Variants in NBPF19 observed in about 807,000 individuals in gnomAD.
NBPF19 encodes NBPF member 19, also known as NBPF family member NBPF19.
In NBPF19, 30 loss-of-function variants were observed where a neutral mutation model predicts 45.9. That is an observed-to-expected ratio of 0.65 (90% CI 0.49 to 0.89). The LOEUF is 0.89. Ranked by LOEUF, NBPF19 falls within the 40% of genes least tolerant of loss-of-function variation. The probability of loss-of-function intolerance (pLI) is 0.00; values close to 1 mark genes in which losing one functional copy is unlikely to be tolerated. For synonymous variants in NBPF19, 183 were observed against 181.2 expected, an observed-to-expected ratio of 1.01 and a Z score of -0.08; for missense variants, 495 against 471.8, an observed-to-expected ratio of 1.05 and a Z score of -0.46.
At position 149,487,324 on chromosome 1, in the gene NBPF19, A is replaced by G. The variant is rs2085594785; in HGVS notation, c.989-8A>G. The G allele has an allele frequency of 2.6e-6, 4 of 1,563,244 alleles. 1 individual carries two copies. The highest frequency in any genetic ancestry group is 3.5e-6 in the Non-Finnish European group (4 of 1,146,794). Reference sequence around the variant, plus strand: ...AATGTAAGAGGGCCCATCTGAATTTATTTGCAGGACATCGCTGGGATCAAG... The same window carrying G: ...AATGTAAGAGGGCCCATCTGAATTTGTTTGCAGGACATCGCTGGGATCAAG... On this transcript the variant is annotated splice_region_variant and splice_polypyrimidine_tract_variant and intron_variant, in intron 8 of 93. Transcript: ENST00000651566.
Position 149,554,811 on chromosome 1 carries a change from C to T in NBPF19, c.*73C>T. ...TAGGCACGTGAAGATTTGAATGAAA[C>T]TACAGTTCCATTTGGAAGCCCAGAC... On this transcript the variant is annotated 3_prime_UTR_variant, in exon 94 of 94. Coordinates refer to ENST00000651566, the MANE Select transcript of NBPF19 (RefSeq NM_001351365.2). 3 of 1,601,196 alleles carry T rather than the reference C, an allele frequency of 1.9e-6. No homozygotes were observed. Among genetic ancestry groups the T allele is most frequent in the Non-Finnish European group, 2.6e-6 (3 of 1,171,660 alleles).
chr1:149,554,389 C>T (rs1400046976), intron 93 of NBPF19, 106 bp from the exon 94 acceptor site: 3 of 1,600,868 alleles, frequency 1.9e-6, no homozygotes, highest in East Asian at 4.5e-5. Context: ...ATGGATCTAT[C>T]CTTTTTCTTT....
rs1287707736 is a variant in NBPF19 at position 149,554,980 on chromosome 1, G to T, written c.*242G>T. The stretch of plus-strand genomic sequence containing the variant: ...AGCACATGCCGGGAGTGATCAGTCG[G>T]ACATTTTAATTTGAACCACGTATCT... On this transcript the variant is annotated 3_prime_UTR_variant, in exon 94 of 94. Transcript: ENST00000651566. 1.1e-5 allele frequency: 8 copies of T among 699,826 alleles called. No individual in the cohort carries two copies. The African/African-American group carries it at 1.3e-4, about 11-fold the overall frequency. The allele number at this position is 699,826 out of a possible 1,614,324, so 43.4% of individuals were successfully genotyped here.
rs2084764171 is a variant in NBPF19, at chr1:149,475,198, G to T, written c.-633G>T. On this transcript the variant is annotated 5_prime_UTR_variant, in exon 1 of 94. An upstream start codon of the reference 5' UTR is lost. Coordinates refer to ENST00000651566, the MANE Select transcript of NBPF19 (RefSeq NM_001351365.2). The stretch of plus-strand genomic sequence containing the variant: ...AGGAAAGAAAATATTTTAAAAAAAT[G>T]AATTATTCATTCACTTTCTAGTGGA... Among the ~76,000 whole-genome samples the T allele has an allele frequency of 6.7e-6, 1 of 149,836 alleles. No homozygotes were observed. The highest frequency in any genetic ancestry group is 1.5e-5 in the Non-Finnish European group (1 of 67,296).
rs1235682814 is a variant in NBPF19, at chr1:149,488,132, G to C, written c.1160G>C (p.Ser387Thr). Residue 387 changes from serine (S) to threonine (T), a missense_variant, in exon 10 of 94, where the codon AGT becomes ACT. Physicochemically the swap from Ser to Thr is moderately conservative, Grantham distance 58 (BLOSUM62 1). This residue lies in a region of NBPF19 where 146 missense variants were observed against 67.3 expected (regional missense o/e 2.17). Transcript: ENST00000651566. Reference protein sequence around the residue: ...ELTDSCQPYRSAFYVLEQQRV... With the variant: ...ELTDSCQPYRTAFYVLEQQRV... ...ACTGACTCATGCCAGCCCTACAGAA[G>C]TGCCTTTTACGTATTGGAGCAACAG... The C allele has an allele frequency of 3.0e-6, 2 of 676,118 alleles. No homozygotes were observed. Among genetic ancestry groups the C allele is most frequent in the South Asian group, 1.6e-5 (1 of 61,732 alleles). The allele number at this position is 676,118 out of a possible 1,614,324, so 41.9% of individuals were successfully genotyped here.
chr1:149,486,437 T>G, intron 8 of NBPF19, 144 bp downstream of exon 8: 1 of 688,780 alleles, frequency 1.5e-6, no homozygotes, highest in Non-Finnish European at 2.6e-6. Flanking sequence ...TTTCAGTCAC[T>G]CTGGAGTCAA....
chr1:149,490,566 G>T, intron 13 of NBPF19, 72 bp downstream of exon 13: 1 of 72,672 alleles, frequency 1.4e-5, no homozygotes, highest in Non-Finnish European at 2.3e-5. Context: ...AAAACAGAGC[G>T]GGCTGACATT....
chr1:149,554,483 C>T lies in NBPF19; in HGVS notation c.11289-12C>T. The T allele has an allele frequency of 6.2e-7, 1 of 1,607,936 alleles. No homozygotes were observed. Among genetic ancestry groups the T allele is most frequent in the South Asian group, 1.1e-5 (1 of 90,886 alleles). On this transcript the variant is annotated splice_polypyrimidine_tract_variant and intron_variant, in intron 93 of 93. Transcript: ENST00000651566. ...TCCCTGGCTGCTTCTTTAGTTTTGT[C>T]TCCTTTTCCAGGCTCAACAGCGTGC...
intron 3 of NBPF19, among the ~76,000 whole-genome samples, 174 bp from the exon 4 acceptor site, chr1:149,478,706 G>T (rs1259482735): frequency 1.3e-5 from 2 of 150,750 alleles, no homozygotes; most frequent in Non-Finnish European, 3.0e-5. Flanking sequence ...TAGAGGGAAA[G>T]CCTGTAGACC....
In NBPF19 at chr1:149,554,895, C is replaced by T. The variant is rs1354284287; in HGVS notation, c.*157C>T. ...ATTCTCAAACCATGCCAGTGGCAAC[C>T]TGTGCTCAGTCTGAAGACAATGGAC... On this transcript the variant is annotated 3_prime_UTR_variant, in exon 94 of 94. Transcript: ENST00000651566. 1.6e-5 allele frequency: 22 copies of T among 1,382,390 alleles called. No homozygotes were observed. Among genetic ancestry groups the T allele is most frequent in the Non-Finnish European group, 2.1e-5 (21 of 1,006,728 alleles). The allele number at this position is 1,382,390 out of a possible 1,614,324, so 85.6% of individuals were successfully genotyped here. A position where few individuals can be genotyped will look rare whatever the true frequency, so the allele number is the denominator to read the frequency against.
rs1291437394 is a variant in NBPF19, at chr1:149,554,611, G to A, written c.11405G>A (p.Arg3802Lys). 1.8e-5 allele frequency: 29 copies of A among 1,608,178 alleles called. 1 individual carries two copies. Among genetic ancestry groups the A allele is most frequent in the Middle Eastern group, 4.5e-4 (2 of 4,450 alleles). The change falls in exon 94 of 94, where the codon AGA (arginine) becomes AAA (lysine). Residue 3802 changes from arginine (R) to lysine (K), a missense_variant. Physicochemically the swap from Arg to Lys is conservative, Grantham distance 26. Transcript: ENST00000651566. ...FELPDSFQHY[R>K]SVFYSFEEEH... ...CTACCTGACTCATTCCAGCACTACA[G>A]AAGTGTGTTTTACTCATTTGAGGAA... is the stretch of plus-strand genomic sequence containing the variant.
chr1:149,486,617 C>T, intron 8 of NBPF19, among the ~76,000 whole-genome samples: 1 of 151,408 alleles, frequency 6.6e-6, no homozygotes, highest in East Asian at 1.9e-4. Context: ...CAGATCAGCT[C>T]ATCTGAATTA....
In NBPF19 at chr1:149,475,537, G is replaced by A. The variant is rs1169144325; in HGVS notation, c.-294G>A. 1 of 838,942 alleles carries A rather than the reference G, an allele frequency of 1.2e-6. No individual in the cohort carries two copies. Among genetic ancestry groups the A allele is most frequent in the Non-Finnish European group, 1.8e-6 (1 of 540,726 alleles). 52.0% of individuals were successfully genotyped at this position (838,942 alleles called of 1,614,324 possible). A position where few individuals can be genotyped will look rare whatever the true frequency, so the allele number is the denominator to read the frequency against. On this transcript the variant is annotated 5_prime_UTR_variant, in exon 1 of 94. Coordinates refer to ENST00000651566, the MANE Select transcript of NBPF19 (RefSeq NM_001351365.2). ...TCCCCATTGGTGGTGACCCTCAGGT[G>A]AAAGTAGGGTGCCTGTGTTTCAGCA...
chr1:149,497,232 C>G (rs1208356592), intron 21 of NBPF19, among the ~76,000 whole-genome samples: 2 of 15,974 alleles, frequency 1.3e-4, no homozygotes, highest in Admixed American at 7.4e-4. Context: ...TCAGAGTGTC[C>G]TTTTACTCCC....
At chr1:149,554,323 C>T (rs1213658415) in intron 93 of NBPF19, among the ~76,000 whole-genome samples, 172 bp from the exon 94 acceptor site, 2 of 151,828 alleles carry the variant, frequency 1.3e-5, no homozygotes, top group Admixed American at 6.6e-5. Context: ...TTGTTTTCTA[C>T]CTGGCCCTGT....
chr1:149,477,382 T>C (rs2084906152), intron 2 of NBPF19, among the ~76,000 whole-genome samples: 2 of 151,344 alleles, frequency 1.3e-5, no homozygotes, highest in Non-Finnish European at 1.5e-5. Flanking sequence ...ACTAATAAAG[T>C]ATTTGGGCAT....
chr1:149,487,797 G>C (rs1457108286), intron 9 of NBPF19, among the ~76,000 whole-genome samples: 8 of 148,686 alleles, frequency 5.4e-5, no homozygotes, highest in Non-Finnish European at 9.0e-5. Context: ...GTGTGTGTGT[G>C]TGTGTGTGTG....
In NBPF19 at chr1:149,487,528, A is replaced by T. The variant is rs1165171026; in HGVS notation, c.1040+145A>T. 5.3e-4 allele frequency: 520 copies of T among 989,212 alleles called. 11 individuals are homozygous for T. In the African/African-American group the frequency reaches 7.4e-3, roughly 14 times the overall value. The allele number at this position is 989,212 out of a possible 1,614,324, so 61.3% of individuals were successfully genotyped here. A position where few individuals can be genotyped will look rare whatever the true frequency, so the allele number is the denominator to read the frequency against. On this transcript the variant is annotated intron_variant, in intron 9 of 93. Coordinates refer to ENST00000651566, the MANE Select transcript of NBPF19 (RefSeq NM_001351365.2). ...CCTAATACATTGCTTTTTTGTTCTC[A>T]TTAGAGTAAATGTTTAGGTTTCCAT...
chr1:149,554,459 C>G (rs1161630221), intron 93 of NBPF19, 36 bp from the exon 94 acceptor site: 2 of 1,607,844 alleles, frequency 1.2e-6, no homozygotes, highest in Non-Finnish European at 1.7e-6. Flanking sequence ...GTCTGATTTT[C>G]CCTGGCTGCT....
Sources: allele counts gnomAD v4.1 joint callset (sites outside exome capture counted in the v4.1 genomes callset), GRCh38; gene constraint gnomAD v4.1.1; regional missense constraint gnomAD v4.1.1; transcripts MANE v1.5; gene names NCBI Gene and HGNC (gene_info 2026-07-23, HGNC 2026-07-21).